CACNB4: variants seen among roughly 807,000 people sequenced by gnomAD.
CACNB4 encodes the protein calcium voltage-gated channel auxiliary subunit beta 4.
In CACNB4, 32 loss-of-function variants were observed where a neutral mutation model predicts 71.2. The observed-to-expected ratio is 0.45, with a 90% CI of 0.34 to 0.60. CACNB4 has a LOEUF of 0.60. CACNB4 is among the 20% of genes least tolerant of loss of function. The pLI is 0.01. For missense variants in CACNB4, 464 were observed against 647.9 expected (o/e 0.72, Z 3.08); for synonymous variants, 231 against 236.9 (o/e 0.97, Z 0.23).
intron 2 of CACNB4, among the ~76,000 whole-genome samples, chr2:152,041,220 A>G (rs957198021): frequency 8.5e-5 from 13 of 152,178 alleles, no homozygotes; most frequent in African/African-American, 2.7e-4. Flanking sequence ...GCTAATCCCA[A>G]AGTATTACTT....
At chr2:152,073,923 A>G (rs1686845246) in intron 2 of CACNB4, among the ~76,000 whole-genome samples, 1 of 152,192 alleles carries the variant, frequency 6.6e-6, no homozygotes, top group African/African-American at 2.4e-5. Context: ...AAGAGGCAGG[A>G]CTGTAAGAGG....
chr2:151,859,823 G>A (rs956739257), intron 10 of CACNB4: 2 of 152,150 alleles, frequency 1.3e-5, no homozygotes, highest in African/African-American at 2.4e-5. Context: ...CAAATTGCAC[G>A]ATCTTTGGCT....
rs115114722 is a variant in CACNB4 at position 151,864,758 on chromosome 2, G to A, written c.759-3938C>T. On this transcript the variant is annotated intron_variant, in intron 9 of 13. Coordinates refer to ENST00000539935, the MANE Select transcript of CACNB4 (RefSeq NM_000726.5). ...AACTATCTCATGGGGTTGCCATTAAGAGCAAATAAGGTTATATATAAAAGC... is the reference window on the plus strand; with the variant it reads ...AACTATCTCATGGGGTTGCCATTAAAAGCAAATAAGGTTATATATAAAAGC... Among the ~76,000 whole-genome samples, 1,192 of 152,280 alleles carry A rather than the reference G, an allele frequency of 7.8e-3. 4 individuals carry two copies. The highest frequency in any genetic ancestry group is 0.014 in the Non-Finnish European group (922 of 68,030).
intron 2 of CACNB4, among the ~76,000 whole-genome samples, chr2:151,979,941 A>G (rs11893938): frequency 0.22 from 32,920 of 152,086 alleles, 5,847 homozygotes; most frequent in East Asian, 0.58. Context: ...GGGCAGAAAT[A>G]AATCAGCCAC....
intron 13 of CACNB4, chr2:151,841,587 CT>C (rs1382915143): frequency 3.6e-5 from 10 of 278,842 alleles, no homozygotes; most frequent in Non-Finnish European, 6.1e-5. Context: ...GACTATGTCT[CT>C]AAAAAAAAGT....
chr2:151,916,952 G>A (rs1445159655), intron 2 of CACNB4, among the ~76,000 whole-genome samples: 1 of 152,174 alleles, frequency 6.6e-6, no homozygotes, highest in Admixed American at 6.5e-5. Context: ...AAATGTCAGC[G>A]GTGCCAAAGT....
At chr2:151,862,691 CA>C (rs2099842038) in intron 9 of CACNB4, among the ~76,000 whole-genome samples, 1 of 152,182 alleles carries the variant, frequency 6.6e-6, no homozygotes, top group South Asian at 2.1e-4. Flanking sequence ...CACTGGAAAA[CA>C]CTGGTGTAAC....
At chr2:152,032,838 T>C (rs1329808225) in intron 2 of CACNB4, among the ~76,000 whole-genome samples, 2 of 152,132 alleles carry the variant, frequency 1.3e-5, no homozygotes, top group Non-Finnish European at 2.9e-5. Flanking sequence ...CCTATAGTCC[T>C]GGCTACTCAG....
chr2:151,934,223 A>C (rs1001792807), intron 2 of CACNB4, among the ~76,000 whole-genome samples: 1 of 152,216 alleles, frequency 6.6e-6, no homozygotes, highest in African/African-American at 2.4e-5. Context: ...CTCTCTTTCT[A>C]TGTCATGTAA....
chr2:151,956,850 G>C (rs962806899), intron 2 of CACNB4, among the ~76,000 whole-genome samples: 1 of 152,138 alleles, frequency 6.6e-6, no homozygotes, highest in Non-Finnish European at 1.5e-5. Flanking sequence ...TAAGAATACA[G>C]ACCTTTTAAT....
chr2:152,077,075 A>G (rs1255591744), intron 2 of CACNB4, among the ~76,000 whole-genome samples: 1 of 152,242 alleles, frequency 6.6e-6, no homozygotes, highest in Non-Finnish European at 1.5e-5. Context: ...GCATTCCAGA[A>G]GGAGAGCAGA....
rs151256527 is a variant in CACNB4 at position 151,895,032 on chromosome 2, T to C, written c.148-11662A>G. 3.1e-3 allele frequency among the ~76,000 whole-genome samples: 467 copies of C among 149,746 alleles called. 4 individuals carry two copies. Among genetic ancestry groups the C allele is most frequent in the African/African-American group, 0.01 (423 of 40,390 alleles). On this transcript the variant is annotated intron_variant, in intron 2 of 13. Transcript: ENST00000539935. ...ACTGTAATCCCTGTCAAAATACCAA[T>C]AACATTCTTCAAAGAAATAGAAAAA...
intron 6 of CACNB4, 40 bp from the exon 7 acceptor site, chr2:151,870,901 C>G: frequency 6.7e-7 from 1 of 1,501,644 alleles, no homozygotes; most frequent in Non-Finnish European, 9.2e-7. Flanking sequence ...AATATGTAAA[C>G]TCTGCAAATG....
intron 2 of CACNB4, among the ~76,000 whole-genome samples, chr2:152,085,570 T>C (rs1254180584): frequency 6.6e-6 from 1 of 152,052 alleles, no homozygotes; most frequent in East Asian, 1.9e-4. Context: ...ATACCCACCA[T>C]GAGGGTCCCG....
At chr2:151,861,851 A>AAAAAAAAAAAAAAAAACAAAAC (rs201014643) in intron 9 of CACNB4, 1 of 135,288 alleles carries the variant, frequency 7.4e-6, no homozygotes, top group Non-Finnish European at 1.6e-5. Flanking sequence ...TCAAAAAAAA[A>AAAAAAAAAAAAAAAAACAAAAC]AAAAAAACTG....
At chr2:151,918,850 C>T (rs527893756) in intron 2 of CACNB4, among the ~76,000 whole-genome samples, 83 of 152,304 alleles carry the variant, frequency 5.4e-4, no homozygotes, top group African/African-American at 1.9e-3. Flanking sequence ...ATCATGTTCA[C>T]CATATCAACA....
chr2:152,029,752 C>T (rs543890040), intron 2 of CACNB4, among the ~76,000 whole-genome samples: 10 of 152,192 alleles, frequency 6.6e-5, no homozygotes, highest in Admixed American at 4.6e-4. Flanking sequence ...GTGATTAGTG[C>T]CTTAATGAAA....
intron 2 of CACNB4, among the ~76,000 whole-genome samples, chr2:152,037,004 G>C (rs954957233): frequency 1.6e-4 from 24 of 152,186 alleles, no homozygotes; most frequent in Non-Finnish European, 1.3e-4. Context: ...ACTCTTATTT[G>C]GGTGTTTCTA....
rs186717922 is a variant in CACNB4 at position 151,923,380 on chromosome 2, G to A, written c.148-40010C>T. Among the ~76,000 whole-genome samples, 113 of 152,290 alleles carry A rather than the reference G, an allele frequency of 7.4e-4. 1 individual carries two copies. The East Asian group carries it at 0.018, about 24-fold the overall frequency. ...ATCCCATCTTGGTCTTTATTTATGT[G>A]CTGGATCTCTCACCTGCTAGCTTGG... On this transcript the variant is annotated intron_variant, in intron 2 of 13. Transcript: ENST00000539935.
Sources: allele counts gnomAD v4.1 joint callset (sites outside exome capture counted in the v4.1 genomes callset), GRCh38; gene constraint gnomAD v4.1.1; transcripts MANE v1.5; gene names NCBI Gene and HGNC (gene_info 2026-07-23, HGNC 2026-07-21).